Variants in CDH20 observed in about 807,000 individuals in gnomAD.
The protein encoded by CDH20 is cadherin-20.
Under a neutral mutation model 74.2 loss-of-function variants are expected in CDH20, and 29 were observed. The ratio of observed to expected loss-of-function variants is 0.39; its 90% CI spans 0.29 to 0.53. The LOEUF (loss-of-function observed/expected upper bound fraction) is 0.53, where lower values mean the gene tolerates loss of function less well. Ranked by LOEUF, CDH20 falls within the 20% of genes least tolerant of loss-of-function variation. The pLI, the probability that CDH20 is intolerant of heterozygous loss-of-function variation, is 0.69. For synonymous variants in CDH20, 469 were observed against 405.4 expected (o/e 1.16, Z -1.88); for missense variants, 988 against 1,048.3 (o/e 0.94, Z 0.79).
At chr18:61,343,892 T>C (rs1910033652) in intron 1 of CDH20, among the ~76,000 whole-genome samples, 1 of 152,152 alleles carries the variant, frequency 6.6e-6, no homozygotes, top group Admixed American at 6.5e-5. Context: ...TTCCTAATGA[T>C]GAACTGCCCT....
chr18:61,449,983 G>A (rs1356892629), intron 1 of CDH20, among the ~76,000 whole-genome samples: 1 of 151,982 alleles, frequency 6.6e-6, no homozygotes, highest in African/African-American at 2.4e-5. Flanking sequence ...GATGCAACTT[G>A]TATTTGTTGA....
At chr18:61,468,163 C>T (rs895078469) in intron 1 of CDH20, among the ~76,000 whole-genome samples, 1 of 152,144 alleles carries the variant, frequency 6.6e-6, no homozygotes, top group South Asian at 2.1e-4. Flanking sequence ...AGTTAATAGG[C>T]CTCAACTGTA....
chr18:61,531,273 T>C (rs1015183793), intron 7 of CDH20, among the ~76,000 whole-genome samples: 1 of 152,196 alleles, frequency 6.6e-6, no homozygotes, highest in Non-Finnish European at 1.5e-5. Flanking sequence ...GTTAGTTATT[T>C]CTATCACTCC....
At chr18:61,393,359 ACTG>A (rs1432985265) in intron 1 of CDH20, among the ~76,000 whole-genome samples, 1 of 152,038 alleles carries the variant, frequency 6.6e-6, no homozygotes, top group East Asian at 1.9e-4. Context: ...CTAACTCAAC[ACTG>A]TATTTTTAAA....
intron 1 of CDH20, among the ~76,000 whole-genome samples, chr18:61,420,512 C>T (rs2144271820): frequency 6.6e-6 from 1 of 152,274 alleles, no homozygotes; most frequent in South Asian, 2.1e-4. Context: ...TACCCACAGT[C>T]TACCAAATTA....
In CDH20 at chr18:61,382,180, T is replaced by C. The variant is rs139013147; in HGVS notation, c.-153+48353T>C. 1.2e-3 allele frequency among the ~76,000 whole-genome samples: 181 copies of C among 152,334 alleles called. 3 individuals are homozygous for C. The highest frequency in any genetic ancestry group is 4.2e-3 in the African/African-American group (174 of 41,580). ...TACAAACATCATGGACTGTTTTAAA[T>C]CACCCTTCAAAAAGTTTCTTATAGT... On this transcript the variant is annotated intron_variant, in intron 1 of 11. Coordinates refer to ENST00000262717, the MANE Select transcript of CDH20 (RefSeq NM_031891.4).
chr18:61,511,871 C>T (rs1911794982), intron 6 of CDH20, among the ~76,000 whole-genome samples: 1 of 152,144 alleles, frequency 6.6e-6, no homozygotes, highest in Non-Finnish European at 1.5e-5. Flanking sequence ...CTCTTCTGAA[C>T]TTATGAGCTG....
chr18:61,428,769 T>C (rs1445480446), intron 1 of CDH20, among the ~76,000 whole-genome samples: 1 of 152,212 alleles, frequency 6.6e-6, no homozygotes, highest in Non-Finnish European at 1.5e-5. Flanking sequence ...CCCTCTGAAA[T>C]GTGCATTTCA....
intron 1 of CDH20, among the ~76,000 whole-genome samples, chr18:61,347,256 C>A (rs1156701622): frequency 7.0e-6 from 1 of 143,518 alleles, no homozygotes; most frequent in Non-Finnish European, 1.5e-5. Flanking sequence ...TGAGACCAGC[C>A]TGGCCAACAT....
chr18:61,538,608 G>GTTGTTTTTTTTTTTTTT (rs1912904022), intron 8 of CDH20, among the ~76,000 whole-genome samples: 1 of 36,318 alleles, frequency 2.8e-5, no homozygotes, highest in Non-Finnish European at 6.0e-5. Flanking sequence ...TTTTGTTTTT[G>GTTGTTTTTTTTTTTTTT]TTTTTGTTTT....
At chr18:61,474,146 A>G (rs917684325) in intron 1 of CDH20, among the ~76,000 whole-genome samples, 1 of 152,102 alleles carries the variant, frequency 6.6e-6, no homozygotes, top group African/African-American at 2.4e-5. Flanking sequence ...TCTTGTCCCT[A>G]TCATCACTCT....
intron 1 of CDH20, among the ~76,000 whole-genome samples, chr18:61,478,880 C>T (rs776933987): frequency 6.6e-6 from 1 of 152,010 alleles, no homozygotes; most frequent in Non-Finnish European, 1.5e-5. Context: ...CTGAAAATCT[C>T]TGTACTAAAG....
intron 1 of CDH20, among the ~76,000 whole-genome samples, chr18:61,362,806 A>T (rs1276822166): frequency 6.6e-6 from 1 of 152,120 alleles, no homozygotes. Context: ...GACTTAGTAT[A>T]CAAAATTACC....
intron 6 of CDH20, among the ~76,000 whole-genome samples, chr18:61,509,752 C>G (rs1245271932): frequency 6.6e-6 from 1 of 152,008 alleles, no homozygotes; most frequent in African/African-American, 2.4e-5. Context: ...AGAGGGAGAC[C>G]AGCTGAGAAG....
chr18:61,406,283 C>T (rs142270825), intron 1 of CDH20, among the ~76,000 whole-genome samples: 2 of 152,186 alleles, frequency 1.3e-5, no homozygotes, highest in Non-Finnish European at 2.9e-5. Context: ...TTTGTTGAGA[C>T]TTCCACAAGT....
chr18:61,409,447 G>A (rs1213925823), intron 1 of CDH20, among the ~76,000 whole-genome samples: 1 of 152,122 alleles, frequency 6.6e-6, no homozygotes, highest in Non-Finnish European at 1.5e-5. Context: ...CCCTTCGATG[G>A]GGACATTTGG....
At chr18:61,543,107 T>C (rs1470934285) in intron 9 of CDH20, among the ~76,000 whole-genome samples, 2 of 152,176 alleles carry the variant, frequency 1.3e-5, no homozygotes, top group Non-Finnish European at 2.9e-5. Flanking sequence ...GGAAAAATCC[T>C]TCATTGAAGG....
chr18:61,445,273 AC>A (rs1240177045), intron 1 of CDH20, among the ~76,000 whole-genome samples: 2 of 151,986 alleles, frequency 1.3e-5, no homozygotes, highest in African/African-American at 4.8e-5. Context: ...ATCTATAACA[AC>A]CCTGCAAGGT....
chr18:61,354,093 C>T (rs1007907238), intron 1 of CDH20, among the ~76,000 whole-genome samples: 18 of 151,992 alleles, frequency 1.2e-4, no homozygotes, highest in Non-Finnish European at 2.6e-4. Context: ...CTTTCAGTTT[C>T]TCCATCTCAT....
Sources: allele counts gnomAD v4.1 joint callset (sites outside exome capture counted in the v4.1 genomes callset), GRCh38; gene constraint gnomAD v4.1.1; transcripts MANE v1.5; gene names NCBI Gene and HGNC (gene_info 2026-07-23, HGNC 2026-07-21).